The following CDH18 variants were observed in gnomAD, a reference collection of about 807,000 sequenced individuals.
CDH18 encodes the protein cadherin 18.
Under a neutral mutation model 67.9 loss-of-function variants are expected in CDH18, and 31 were observed. The observed-to-expected ratio is 0.46, with a 90% confidence interval of 0.34 to 0.62. The LOEUF is 0.62. CDH18 is among the 20% of genes least tolerant of loss of function. CDH18 has a pLI of 0.01. For missense variants in CDH18, 890 were observed against 975.5 expected (o/e 0.91, Z 1.17); for synonymous variants, 362 against 347.2 (o/e 1.04, Z -0.48).
chr5:19,736,689 G>A (rs1768374633), intron 4 of CDH18, among the ~76,000 whole-genome samples: 2 of 152,088 alleles, frequency 1.3e-5, no homozygotes, highest in African/African-American at 4.8e-5. Context: ...GGTTCTATGT[G>A]TGGGGGTGCT....
intron 2 of CDH18, among the ~76,000 whole-genome samples, chr5:20,196,091 A>T (rs146964158): frequency 9.1e-4 from 139 of 152,246 alleles, no homozygotes; most frequent in African/African-American, 3.3e-3. Flanking sequence ...AGATGACTGT[A>T]CATCTGTTTG....
chr5:20,306,749 T>G (rs1469110398), intron 1 of CDH18, among the ~76,000 whole-genome samples: 2 of 152,210 alleles, frequency 1.3e-5, no homozygotes, highest in Non-Finnish European at 2.9e-5. Context: ...AAATCTCTGT[T>G]TAATGCGTCT....
intron 7 of CDH18, among the ~76,000 whole-genome samples, chr5:19,583,156 A>G (rs1561399331): frequency 6.6e-6 from 1 of 152,026 alleles, no homozygotes; most frequent in African/African-American, 2.4e-5. Flanking sequence ...GCAGGGATAC[A>G]CTTGTAGTAC....
At chr5:19,678,459 A>G (rs535467827) in intron 5 of CDH18, among the ~76,000 whole-genome samples, 11 of 151,910 alleles carry the variant, frequency 7.2e-5, no homozygotes, top group Non-Finnish European at 1.6e-4. Flanking sequence ...ACATACCCAA[A>G]TCACTGGGAC....
At chr5:20,095,478 G>GGAAGGA (rs1410941604) in intron 2 of CDH18, among the ~76,000 whole-genome samples, 1 of 101,606 alleles carries the variant, frequency 9.8e-6, no homozygotes, top group African/African-American at 3.5e-5. Flanking sequence ...AAGGAAGGAA[G>GGAAGGA]GAGAGAGAGA....
chr5:20,213,747 T>C (rs1740539195), intron 2 of CDH18, among the ~76,000 whole-genome samples: 1 of 152,076 alleles, frequency 6.6e-6, no homozygotes, highest in South Asian at 2.1e-4. Context: ...CCATTGACTG[T>C]TTCTAATTGT....
At chr5:19,865,869 T>C (rs2149999391) in intron 2 of CDH18, among the ~76,000 whole-genome samples, 1 of 152,324 alleles carries the variant, frequency 6.6e-6, no homozygotes, top group African/African-American at 2.4e-5. Context: ...GAGTACATTA[T>C]GTTCTCTCTG....
At chr5:20,339,160 T>C (rs1462379510) in intron 1 of CDH18, among the ~76,000 whole-genome samples, 1 of 152,058 alleles carries the variant, frequency 6.6e-6, no homozygotes, top group Non-Finnish European at 1.5e-5. Flanking sequence ...GTGGGTAACA[T>C]CTTCAGCCTC....
intron 1 of CDH18, among the ~76,000 whole-genome samples, chr5:20,423,583 CAA>C (rs1398342551): frequency 6.6e-6 from 1 of 150,842 alleles, no homozygotes; most frequent in Admixed American, 6.6e-5. Context: ...GTGCTACACG[CAA>C]AGAGATGTGA....
chr5:19,476,914 T>A (rs1275864696), intron 12 of CDH18, among the ~76,000 whole-genome samples: 1 of 151,822 alleles, frequency 6.6e-6, no homozygotes, highest in East Asian at 1.9e-4. Flanking sequence ...AATCCTGGCT[T>A]TTTAATTATC....
At chr5:19,990,163 T>C (rs544500724), upstream of CDH18, among the ~76,000 whole-genome samples, 1 of 152,238 alleles carries the variant, frequency 6.6e-6, no homozygotes, top group East Asian at 1.9e-4. Flanking sequence ...AAGAAAGAAA[T>C]AGCTATGAAA....
intron 6 of CDH18, among the ~76,000 whole-genome samples, chr5:19,607,872 A>G (rs778275276): frequency 4.0e-5 from 6 of 151,676 alleles, no homozygotes; most frequent in Non-Finnish European, 5.9e-5. Context: ...GCTATAGGAG[A>G]CAAATTAGAC....
chr5:20,162,137 C>A (rs1004436065), intron 2 of CDH18, among the ~76,000 whole-genome samples: 2 of 151,958 alleles, frequency 1.3e-5, no homozygotes, highest in Non-Finnish European at 2.9e-5. Context: ...ACATAAAAAA[C>A]AAAGCTCAAT....
At chr5:19,923,046 C>G (rs190395921) in intron 2 of CDH18, among the ~76,000 whole-genome samples, 34 of 152,188 alleles carry the variant, frequency 2.2e-4, no homozygotes, top group African/African-American at 8.2e-4. Context: ...CCGGTCAGAC[C>G]TATGATTTCT....
chr5:19,505,363 G>T (rs1743945968), intron 10 of CDH18, among the ~76,000 whole-genome samples: 1 of 152,144 alleles, frequency 6.6e-6, no homozygotes. Flanking sequence ...TGTTGAATAG[G>T]AGTGGTGAGA....
rs114714126 is a variant in CDH18, at chr5:20,273,065, A to G, written c.-579-17560T>C. ...GGATTGTGCAAAAGTACATTTATTT[A>G]GGAAATTTCCATCTCTATTCATATA... On this transcript the variant is annotated intron_variant, in intron 1 of 14. Transcript: ENST00000507958. Among the ~76,000 whole-genome samples the G allele has an allele frequency of 1.0e-3, 155 of 152,234 alleles. 1 individual carries two copies. Among genetic ancestry groups the G allele is most frequent in the African/African-American group, 3.6e-3 (149 of 41,584 alleles).
intron 3 of CDH18, among the ~76,000 whole-genome samples, chr5:19,748,132 A>AAAAAAAAAAAAAAAAAAAAAAAAC (rs1561215815): frequency 6.9e-6 from 1 of 144,332 alleles, no homozygotes; most frequent in Non-Finnish European, 1.5e-5. Flanking sequence ...AAAAAAAAAA[A>AAAAAAAAAAAAAAAAAAAAAAAAC]AGAGTACTTT....
intron 2 of CDH18, among the ~76,000 whole-genome samples, chr5:20,033,710 C>G (rs917680688): frequency 9.2e-5 from 14 of 152,066 alleles, no homozygotes; most frequent in Admixed American, 9.2e-4. Flanking sequence ...ATGCTTTTGG[C>G]AAACAATATG....
intron 2 of CDH18, among the ~76,000 whole-genome samples, chr5:20,129,077 C>T (rs555229618): frequency 3.3e-5 from 5 of 152,014 alleles, no homozygotes; most frequent in African/African-American, 1.2e-4. Context: ...GAAACAGTTC[C>T]TATAAGTAGC....
Sources: gnomAD v4.1 joint callset for allele counts (sites outside exome capture counted in the v4.1 genomes callset) on GRCh38, gnomAD v4.1.1 for gene constraint, MANE v1.5 for transcripts, NCBI Gene and HGNC (gene_info 2026-07-23, HGNC 2026-07-21) for gene names.